The following OLFM1 variants were observed in gnomAD, a reference collection of about 807,000 sequenced individuals.
OLFM1 encodes the protein noelin.
OLFM1 carries 9 observed loss-of-function variants against 49.7 expected under a neutral mutation model. The ratio of observed to expected loss-of-function variants is 0.18; its 90% CI spans 0.11 to 0.32. OLFM1 has a LOEUF of 0.32. OLFM1 is among the 10% of genes least tolerant of loss of function. The pLI, the probability that OLFM1 is intolerant of heterozygous loss-of-function variation, is 1.00. For missense variants in OLFM1, 369 were observed against 661.8 expected (o/e 0.56, Z 4.85); for synonymous variants, 240 against 271.8 (o/e 0.88, Z 1.15).
chr9:135,118,186 C>T (rs151222075), intron 5 of OLFM1, among the ~76,000 whole-genome samples: 122 of 152,344 alleles, frequency 8.0e-4, no homozygotes, highest in African/African-American at 2.7e-3. Flanking sequence ...CTGTTCCACC[C>T]CACTTTGGAA....
intron 1 of OLFM1, chr9:135,076,218 C>G (rs1184855728): frequency 1.3e-6 from 2 of 1,550,618 alleles, no homozygotes; most frequent in Admixed American, 3.9e-5. Context: ...CAACACACAC[C>G]CCTGAGTGGC....
rs1452135283 is a variant in OLFM1, at chr9:135,117,099, T to C, written c.784-2405T>C. 6.6e-6 allele frequency among the ~76,000 whole-genome samples: 1 copy of C among 152,232 alleles called. No individual in the cohort carries two copies. The highest frequency in any genetic ancestry group is 2.4e-5 in the African/African-American group (1 of 41,456). The stretch of plus-strand genomic sequence containing the variant: ...AGATGCATGCAGAGCGGCACCAGCC[T>C]GCCAGACTCCCTCTGCCTAACTGCG... On this transcript the variant is annotated intron_variant, in intron 5 of 5. Coordinates refer to ENST00000371793, the MANE Select transcript of OLFM1 (RefSeq NM_001282611.2). The surrounding 1 kb of genome is among the most constrained non-coding windows in gnomAD (Gnocchi z 5.5).
At chr9:135,097,928 T>C in intron 3 of OLFM1, 2 of 1,502,524 alleles carry the variant, frequency 1.3e-6, no homozygotes, top group Non-Finnish European at 8.8e-7. Context: ...CTAAGGAACC[T>C]TGAATACAAC....
intron 4 of OLFM1, among the ~76,000 whole-genome samples, chr9:135,100,386 T>C (rs1456961712): frequency 6.6e-6 from 1 of 152,230 alleles, no homozygotes; most frequent in Non-Finnish European, 1.5e-5. Flanking sequence ...AGAGATCACA[T>C]GGCCGTCCTT....
At chr9:135,076,407 C>T in intron 1 of OLFM1, 2 of 1,484,048 alleles carry the variant, frequency 1.3e-6, no homozygotes, top group Non-Finnish European at 1.8e-6. Flanking sequence ...GTGAGGAGCC[C>T]TGTGGCGTGC....
At chr9:135,084,720 A>C (rs904305849), upstream of OLFM1, among the ~76,000 whole-genome samples, 16 of 152,068 alleles carry the variant, frequency 1.1e-4, no homozygotes, top group African/African-American at 3.9e-4. This position sits in a 1 kb window ranked among gnomAD's most constrained non-coding sequence, Gnocchi z 4.6. Context: ...CGGGCATCCA[A>C]ACTTTGTCCC....
At chr9:135,075,839 C>CGCCCG (rs1361891748) in intron 1 of OLFM1, 1 of 1,563,164 alleles carries the variant, frequency 6.4e-7, no homozygotes, top group Non-Finnish European at 8.7e-7. Flanking sequence ...CCCTGCCAGG[C>CGCCCG]GCCCGGCCCG....
intron 4 of OLFM1, among the ~76,000 whole-genome samples, chr9:135,105,467 T>C (rs1830929059): frequency 6.6e-6 from 1 of 152,090 alleles, no homozygotes; most frequent in African/African-American, 2.4e-5. Flanking sequence ...TCTGGTCTTG[T>C]GTGATGCCAG....
At chr9:135,085,359 A>G (rs942589864), upstream of OLFM1, among the ~76,000 whole-genome samples, 2 of 152,242 alleles carry the variant, frequency 1.3e-5, no homozygotes, top group African/African-American at 4.8e-5. Flanking sequence ...AGATTTAACT[A>G]TGGCCATGAC....
intron 4 of OLFM1, among the ~76,000 whole-genome samples, chr9:135,100,648 C>A (rs1182147850): frequency 6.6e-6 from 1 of 152,312 alleles, no homozygotes; most frequent in East Asian, 1.9e-4. Flanking sequence ...TTAGAGGAGG[C>A]AGTTTTGTAA....
chr9:135,107,427 T>C (rs1830960739), intron 5 of OLFM1, among the ~76,000 whole-genome samples: 3 of 152,354 alleles, frequency 2.0e-5, no homozygotes, highest in Non-Finnish European at 2.9e-5. Context: ...GGCATCATAT[T>C]TGCCTTTATC....
chr9:135,097,815 G>A (rs768098090), intron 3 of OLFM1: 1 of 1,613,458 alleles, frequency 6.2e-7, no homozygotes, highest in South Asian at 1.1e-5. Flanking sequence ...ATGCTGCAGT[G>A]ACTGAAGAAG....
chr9:135,084,456 G>C (rs111207710), upstream of OLFM1, among the ~76,000 whole-genome samples: 3 of 89,884 alleles, frequency 3.3e-5, no homozygotes, highest in Admixed American at 1.0e-4. This position sits in a 1 kb window ranked among gnomAD's most constrained non-coding sequence, Gnocchi z 4.6. Flanking sequence ...TCTCCTCTCT[G>C]TCTCTCTTCT....
upstream of OLFM1, among the ~76,000 whole-genome samples, chr9:135,083,667 C>G (rs1288060602): frequency 6.6e-6 from 1 of 152,200 alleles, no homozygotes; most frequent in East Asian, 1.9e-4. Flanking sequence ...TCACAAACCC[C>G]AAGCACAGTG....
chr9:135,116,914 C>T (rs1831103867), intron 5 of OLFM1, among the ~76,000 whole-genome samples: 1 of 151,618 alleles, frequency 6.6e-6, no homozygotes, highest in African/African-American at 2.4e-5. Context: ...ACAAAAAGCA[C>T]ATCTGCTTGT....
At chr9:135,077,051 G>A (rs1209935275) in intron 1 of OLFM1, 5 of 1,496,440 alleles carry the variant, frequency 3.3e-6, no homozygotes, top group Non-Finnish European at 4.4e-6. Flanking sequence ...TCCTGGAGAG[G>A]TTCTGCATGG....
chr9:135,082,837 G>GT (rs1229207396), upstream of OLFM1, among the ~76,000 whole-genome samples: 8 of 152,284 alleles, frequency 5.3e-5, no homozygotes, highest in East Asian at 1.4e-3. Context: ...GGCTAAGAAC[G>GT]TTTCCGAGGC....
At chr9:135,118,500 A>C (rs563717578) in intron 5 of OLFM1, among the ~76,000 whole-genome samples, 1 of 145,450 alleles carries the variant, frequency 6.9e-6, no homozygotes, top group Non-Finnish European at 1.5e-5. Context: ...GGGTCTTTGG[A>C]GTGCTCGCTG....
At chr9:135,096,894 T>C (rs989047413) in intron 3 of OLFM1, among the ~76,000 whole-genome samples, 1 of 152,236 alleles carries the variant, frequency 6.6e-6, no homozygotes, top group Non-Finnish European at 1.5e-5. Flanking sequence ...ACATTAAAAC[T>C]GGTGTTTGTT....
Sources: gnomAD v4.1 joint callset for allele counts (sites outside exome capture counted in the v4.1 genomes callset) on GRCh38, gnomAD v4.1.1 for gene constraint, Gnocchi (gnomAD v3.1) non-coding constraint, MANE v1.5 for transcripts, NCBI Gene and HGNC (gene_info 2026-07-23, HGNC 2026-07-21) for gene names.